The following CACNA2D1 variants were observed in gnomAD, a reference collection of about 807,000 sequenced individuals.
The protein encoded by CACNA2D1 is voltage-dependent calcium channel subunit alpha-2/delta-1.
Under a neutral mutation model 171.5 loss-of-function variants are expected in CACNA2D1, and 53 were observed. That is an observed-to-expected ratio of 0.31 (90% CI 0.25 to 0.39). The LOEUF (loss-of-function observed/expected upper bound fraction) is 0.39. Among genes scored for constraint, CACNA2D1 ranks in the 10% least tolerant of loss-of-function variants. The probability of loss-of-function intolerance (pLI) is 1.00; values close to 1 mark genes in which losing one functional copy is unlikely to be tolerated. For synonymous variants in CACNA2D1, 442 were observed against 443.1 expected (o/e 1.00, Z 0.03); for missense variants, 903 against 1,299.8 (o/e 0.69, Z 4.69).
At chr7:82,412,820 A>G (rs1827815547) in intron 1 of CACNA2D1, among the ~76,000 whole-genome samples, 1 of 152,056 alleles carries the variant, frequency 6.6e-6, no homozygotes, top group African/African-American at 2.4e-5. Flanking sequence ...AAGTCTATTT[A>G]GAGTGAACAT....
chr7:82,139,140 T>C (rs1488180036), intron 4 of CACNA2D1, among the ~76,000 whole-genome samples: 1 of 152,178 alleles, frequency 6.6e-6, no homozygotes, highest in Admixed American at 6.5e-5. Flanking sequence ...TCCTACTCTT[T>C]TGGTAAAATA....
At chr7:82,319,122 T>C (rs1585471791) in intron 3 of CACNA2D1, among the ~76,000 whole-genome samples, 1 of 152,102 alleles carries the variant, frequency 6.6e-6, no homozygotes, top group East Asian at 1.9e-4. Flanking sequence ...ATTAAATGAG[T>C]AAATACAAAA....
intron 12 of CACNA2D1, among the ~76,000 whole-genome samples, chr7:82,027,394 A>G (rs1802069062): frequency 6.6e-6 from 1 of 151,720 alleles, no homozygotes; most frequent in Non-Finnish European, 1.5e-5. Flanking sequence ...TGGGACAGCA[A>G]TGTTTCCAGA....
chr7:82,187,611 A>G (rs1797898785), intron 3 of CACNA2D1, among the ~76,000 whole-genome samples: 1 of 152,212 alleles, frequency 6.6e-6, no homozygotes, highest in Admixed American at 6.5e-5. Context: ...ATAGCCATCA[A>G]TGAATTAGAA....
chr7:82,133,946 G>A (rs541089685), intron 5 of CACNA2D1, among the ~76,000 whole-genome samples: 43 of 152,124 alleles, frequency 2.8e-4, no homozygotes, highest in Admixed American at 5.2e-4. Context: ...GGTGGCGGGC[G>A]CCTGTAGTCC....
At chr7:82,421,290 C>T (rs554445899) in intron 1 of CACNA2D1, among the ~76,000 whole-genome samples, 12 of 152,278 alleles carry the variant, frequency 7.9e-5, no homozygotes, top group African/African-American at 2.9e-4. Context: ...CCCAGAAGCT[C>T]CTCTTCTGAA....
intron 3 of CACNA2D1, among the ~76,000 whole-genome samples, chr7:82,246,035 C>G (rs1342931081): frequency 2.6e-5 from 4 of 152,076 alleles, no homozygotes; most frequent in East Asian, 3.9e-4. Context: ...ACCTAAACCT[C>G]TGTGTCCAAG....
chr7:81,965,121 T>C (rs966564547), intron 32 of CACNA2D1, among the ~76,000 whole-genome samples: 3 of 151,810 alleles, frequency 2.0e-5, no homozygotes, highest in Non-Finnish European at 2.9e-5. Flanking sequence ...GGTTGAGATA[T>C]TTTTGCTTTG....
chr7:81,962,552 T>C, intron 34 of CACNA2D1, 57 bp from the exon 35 acceptor site: 1 of 1,043,232 alleles, frequency 9.6e-7, no homozygotes, highest in Non-Finnish European at 1.5e-6. Context: ...TGTTTTTACA[T>C]GTACCCATAC....
At chr7:82,058,545 GT>G (rs1383810030) in intron 10 of CACNA2D1, among the ~76,000 whole-genome samples, 2 of 152,098 alleles carry the variant, frequency 1.3e-5, no homozygotes, top group Non-Finnish European at 2.9e-5. Flanking sequence ...CATTCTACTT[GT>G]TTGCATTCTG....
chr7:82,246,675 C>T (rs1804962879), intron 3 of CACNA2D1, among the ~76,000 whole-genome samples: 1 of 152,072 alleles, frequency 6.6e-6, no homozygotes, highest in Non-Finnish European at 1.5e-5. Context: ...TATAGAAGTT[C>T]ACCCAATAGC....
At chr7:81,995,910 T>C (rs1798000535) in intron 19 of CACNA2D1, among the ~76,000 whole-genome samples, 1 of 152,180 alleles carries the variant, frequency 6.6e-6, no homozygotes, top group African/African-American at 2.4e-5. Flanking sequence ...ACCAGTGATT[T>C]ACATGTGGCT....
chr7:82,358,702 G>C (rs1427385082), intron 1 of CACNA2D1, among the ~76,000 whole-genome samples: 7 of 151,500 alleles, frequency 4.6e-5, no homozygotes, highest in African/African-American at 1.7e-4. Flanking sequence ...GTGTGTGTGC[G>C]TGCATCTGTG....
intron 21 of CACNA2D1, among the ~76,000 whole-genome samples, chr7:81,987,619 T>A (rs1416321414): frequency 6.6e-6 from 1 of 151,120 alleles, no homozygotes; most frequent in Non-Finnish European, 1.5e-5. Context: ...TCAAAACATA[T>A]CATGTTTTTT....
chr7:82,074,219 T>C (rs1808679568), intron 7 of CACNA2D1, among the ~76,000 whole-genome samples: 1 of 152,042 alleles, frequency 6.6e-6, no homozygotes, highest in East Asian at 1.9e-4. Flanking sequence ...CTACCCCACA[T>C]CACTTTTATT....
chr7:82,055,722 T>C (rs1222981049), intron 10 of CACNA2D1, among the ~76,000 whole-genome samples: 1 of 122,948 alleles, frequency 8.1e-6, no homozygotes, highest in East Asian at 2.5e-4. Context: ...ATGAGAACAT[T>C]TGGACACAGG....
At chr7:82,405,237 A>G (rs1826885819) in intron 1 of CACNA2D1, among the ~76,000 whole-genome samples, 1 of 152,198 alleles carries the variant, frequency 6.6e-6, no homozygotes, top group Admixed American at 6.5e-5. Flanking sequence ...ATTAGACAAT[A>G]GTAGTAACAT....
intron 12 of CACNA2D1, among the ~76,000 whole-genome samples, chr7:82,031,049 T>C (rs1242683917): frequency 6.6e-6 from 1 of 151,988 alleles, no homozygotes; most frequent in African/African-American, 2.4e-5. Context: ...TATTAGGAAC[T>C]ATCACTGGAT....
chr7:82,317,399 G>C (rs1198815606), intron 3 of CACNA2D1, among the ~76,000 whole-genome samples: 1 of 152,168 alleles, frequency 6.6e-6, no homozygotes. Flanking sequence ...AGTATGGCCT[G>C]CCTTGACAGA....
Sources: gnomAD v4.1 joint callset for allele counts (sites outside exome capture counted in the v4.1 genomes callset) on GRCh38, gnomAD v4.1.1 for gene constraint, MANE v1.5 for transcripts, NCBI Gene and HGNC (gene_info 2026-07-23, HGNC 2026-07-21) for gene names.